Variants in NT5DC3 observed in about 807,000 individuals in gnomAD.
NT5DC3 encodes 5'-nucleotidase domain-containing protein 3.
NT5DC3 carries 42 observed loss-of-function variants against 67.8 expected under a neutral mutation model. The ratio of observed to expected loss-of-function variants is 0.62; its 90% CI spans 0.48 to 0.80. The LOEUF (loss-of-function observed/expected upper bound fraction) is 0.80, where lower values mean the gene tolerates loss of function less well. Among genes scored for constraint, NT5DC3 ranks in the 30% least tolerant of loss-of-function variants. NT5DC3 has a pLI of 0.00. For missense variants in NT5DC3, 570 were observed against 696.4 expected, an observed-to-expected ratio of 0.82 and a Z score of 2.04; for synonymous variants, 237 against 255.6, an observed-to-expected ratio of 0.93 and a Z score of 0.69.
rs376961953 is a variant in NT5DC3 at position 103,828,696 on chromosome 12, C to CTTTTTTTTT, written c.208+12252_208+12253insAAAAAAAAA. Among the ~76,000 whole-genome samples, 4 of 136,350 alleles carry CTTTTTTTTT rather than the reference C, an allele frequency of 2.9e-5. 1 individual carries two copies. The highest frequency in any genetic ancestry group is 2.7e-5 in the African/African-American group (1 of 36,534). The allele number at this position is 136,350 out of a possible 152,430, so 89.5% of individuals were successfully genotyped here. ...TACCACTCTCCTGCATTTTTTCTTT[C>CTTTTTTTTT]TTTTTATTTTTTTTTTTTGGAGACG... On this transcript the variant is annotated intron_variant, in intron 1 of 13. Transcript: ENST00000392876.
chr12:103,802,504 G>A (rs1886630388), intron 4 of NT5DC3: 1 of 152,224 alleles, frequency 6.6e-6, no homozygotes, highest in African/African-American at 2.4e-5. Context: ...TCATTCTGAT[G>A]AGATTCAGTC....
At chr12:103,840,926 G>A (rs1050043413) in intron 1 of NT5DC3, 23 bp downstream of exon 1, 8 of 1,325,152 alleles carry the variant, frequency 6.0e-6, no homozygotes, top group Non-Finnish European at 6.9e-6. Flanking sequence ...CAGGCGCCGG[G>A]GCGGGGTCGC....
intron 1 of NT5DC3, among the ~76,000 whole-genome samples, chr12:103,820,114 T>C (rs1203130670): frequency 1.3e-5 from 2 of 152,234 alleles, no homozygotes; most frequent in African/African-American, 2.4e-5. Flanking sequence ...CAGTCCATTG[T>C]AGACATAAAC....
At chr12:103,760,212 G>A in the NT5DC3 span, among the ~76,000 whole-genome samples, 2 of 152,168 alleles carry the variant, frequency 1.3e-5, no homozygotes, top group South Asian at 4.1e-4. Context: ...CGTTTCTCAA[G>A]TGACTTCTGC....
intron 1 of NT5DC3, among the ~76,000 whole-genome samples, chr12:103,830,304 C>A (rs1300160938): frequency 6.6e-6 from 1 of 152,134 alleles, no homozygotes; most frequent in East Asian, 1.9e-4. Flanking sequence ...AACTACTATG[C>A]CTTTGGGTCT....
intron 1 of NT5DC3, among the ~76,000 whole-genome samples, chr12:103,840,424 C>CATCT (rs1566137849): frequency 5.8e-4 from 42 of 72,544 alleles, no homozygotes; most frequent in South Asian, 3.2e-3. Flanking sequence ...TCATCTCATT[C>CATCT]CATCCCATTC....
the NT5DC3 span, chr12:103,761,390 A>G: frequency 6.2e-7 from 1 of 1,613,646 alleles, no homozygotes; most frequent in African/African-American, 1.3e-5. Context: ...CAGGCCTTTA[A>G]AAGCACCCCC....
intron 1 of NT5DC3, among the ~76,000 whole-genome samples, chr12:103,837,052 A>G (rs1888180842): frequency 6.6e-6 from 1 of 152,244 alleles, no homozygotes; most frequent in African/African-American, 2.4e-5. Context: ...TTGCCCGGGC[A>G]TCCAGGTGTT....
chr12:103,760,678 G>A, the NT5DC3 span, among the ~76,000 whole-genome samples: 11 of 152,128 alleles, frequency 7.2e-5, no homozygotes, highest in Non-Finnish European at 1.6e-4. Flanking sequence ...CCATGATGTC[G>A]GATTCAGGTT....
chr12:103,757,533 T>G, the NT5DC3 span, among the ~76,000 whole-genome samples: 17,589 of 152,266 alleles, frequency 0.12, 1,278 homozygotes, highest in East Asian at 0.35. Context: ...GAGCAGGGCT[T>G]GGGGGGCACC....
the NT5DC3 span, chr12:103,761,291 T>C: frequency 6.2e-7 from 1 of 1,613,468 alleles, no homozygotes; most frequent in African/African-American, 1.3e-5. Context: ...CCTCTTCTCA[T>C]TTCCCTAGAC....
the NT5DC3 span, among the ~76,000 whole-genome samples, chr12:103,751,765 AG>A: frequency 6.6e-6 from 1 of 152,144 alleles, no homozygotes; most frequent in Non-Finnish European, 1.5e-5. Flanking sequence ...AAATCTACCC[AG>A]ACCATAGAGT....
At chr12:103,762,523 G>T in the NT5DC3 span, 1 of 1,498,688 alleles carries the variant, frequency 6.7e-7, no homozygotes. Flanking sequence ...GTGTCACACA[G>T]TAGCAGGGGC....
intron 1 of NT5DC3, among the ~76,000 whole-genome samples, chr12:103,836,040 G>T (rs1362897836): frequency 6.6e-6 from 1 of 152,062 alleles, no homozygotes; most frequent in African/African-American, 2.4e-5. Flanking sequence ...TCACTATCAC[G>T]AGAATAGCAT....
At chr12:103,792,311 G>C (rs550126358) in intron 9 of NT5DC3, among the ~76,000 whole-genome samples, 2 of 152,184 alleles carry the variant, frequency 1.3e-5, no homozygotes, top group African/African-American at 4.8e-5. Context: ...ACTGTGACAC[G>C]TGGAAAACTG....
intron 9 of NT5DC3, among the ~76,000 whole-genome samples, chr12:103,792,016 G>A (rs996438369): frequency 2.0e-5 from 3 of 152,094 alleles, no homozygotes; most frequent in East Asian, 1.9e-4. Context: ...TCTGTAAGTC[G>A]GTTCCTCTAA....
chr12:103,822,118 G>T (rs970154432), intron 1 of NT5DC3: 4 of 151,102 alleles, frequency 2.6e-5, no homozygotes, highest in African/African-American at 9.7e-5. Context: ...TAAAATTTTT[G>T]AACATTAAAA....
the NT5DC3 span, among the ~76,000 whole-genome samples, chr12:103,752,122 G>A: frequency 6.6e-6 from 1 of 151,958 alleles, no homozygotes; most frequent in Non-Finnish European, 1.5e-5. Flanking sequence ...GAAATAATCT[G>A]AGAATTGAAA....
chr12:103,778,970 C>T (rs899039820), intron 13 of NT5DC3, among the ~76,000 whole-genome samples: 4 of 152,196 alleles, frequency 2.6e-5, no homozygotes, highest in African/African-American at 9.7e-5. Flanking sequence ...GCAACAGCTG[C>T]TCCCGATGGT....
Sources: allele counts gnomAD v4.1 joint callset (sites outside exome capture counted in the v4.1 genomes callset), GRCh38; gene constraint gnomAD v4.1.1; transcripts MANE v1.5; gene names NCBI Gene and HGNC (gene_info 2026-07-23, HGNC 2026-07-21).